SUMF2: variants seen among roughly 807,000 people sequenced by gnomAD.
The protein encoded by SUMF2 is sulfatase modifying factor 2.
In SUMF2, 45 loss-of-function variants were observed where a neutral mutation model predicts 44.8. That is an observed-to-expected ratio of 1.00 (90% confidence interval 0.79 to 1.29). The LOEUF (loss-of-function observed/expected upper bound fraction) is 1.29. Ranked by LOEUF, SUMF2 falls within the 50% of genes most tolerant of loss-of-function variation. The probability of loss-of-function intolerance (pLI) is 0.00; values close to 1 mark genes in which losing one functional copy is unlikely to be tolerated. For synonymous variants in SUMF2, 148 were observed against 150.4 expected (o/e 0.98, Z 0.12); for missense variants, 418 against 389.9 (o/e 1.07, Z -0.61).
intron 1 of SUMF2, among the ~76,000 whole-genome samples, chr7:56,067,515 A>G (rs926610256): frequency 2.0e-5 from 3 of 152,010 alleles, no homozygotes; most frequent in Non-Finnish European, 2.9e-5. Flanking sequence ...AGATAGTGAG[A>G]TATTATCCCT....
chr7:56,071,865 A>AG (rs1795180638), intron 2 of SUMF2, among the ~76,000 whole-genome samples: 4 of 152,000 alleles, frequency 2.6e-5, no homozygotes, highest in African/African-American at 9.7e-5. Flanking sequence ...CAATCCCAGC[A>AG]CTTTGGGAGG....
At chr7:56,072,478 C>T (rs1006782774) in intron 2 of SUMF2, among the ~76,000 whole-genome samples, 8 of 148,590 alleles carry the variant, frequency 5.4e-5, no homozygotes, top group African/African-American at 2.0e-4. Flanking sequence ...TAATCTCAGC[C>T]CTTTGGGAGG....
At chr7:56,084,247 G>A (rs1198207070), downstream of SUMF2, 1 of 1,505,964 alleles carries the variant, frequency 6.6e-7, no homozygotes, top group Non-Finnish European at 8.9e-7. Context: ...CTTCCCATCT[G>A]TGGAAGTGAC....
downstream of SUMF2, among the ~76,000 whole-genome samples, chr7:56,084,871 C>G (rs1051476990): frequency 1.3e-5 from 2 of 152,166 alleles, no homozygotes; most frequent in African/African-American, 2.4e-5. Context: ...AATAGCTTCC[C>G]CCAGCAACTT....
chr7:56,074,514 G>A, intron 4 of SUMF2, 72 bp from the exon 5 acceptor site: 1 of 1,567,544 alleles, frequency 6.4e-7, no homozygotes, highest in Non-Finnish European at 8.7e-7. Flanking sequence ...CTGAACGCGG[G>A]CGCCCTAAAC....
chr7:56,082,888 GTA>G (rs1257203689), downstream of SUMF2, among the ~76,000 whole-genome samples: 1 of 151,780 alleles, frequency 6.6e-6, no homozygotes, highest in Non-Finnish European at 1.5e-5. Flanking sequence ...CGGGCGGATC[GTA>G]AGGTCAGGAG....
the SUMF2 span, chr7:56,086,870 G>A: frequency 5.6e-6 from 5 of 890,564 alleles, no homozygotes; most frequent in Non-Finnish European, 9.6e-6. Context: ...CATCCTCAGC[G>A]CAGGAGCTGG....
chr7:56,072,150 G>A (rs1019422394), intron 2 of SUMF2, among the ~76,000 whole-genome samples: 4 of 149,666 alleles, frequency 2.7e-5, no homozygotes, highest in Non-Finnish European at 4.4e-5. Flanking sequence ...TATTGGCCAA[G>A]TGTTGTGCCT....
intron 1 of SUMF2, among the ~76,000 whole-genome samples, chr7:56,067,835 A>G (rs1794904490): frequency 6.7e-6 from 1 of 149,798 alleles, no homozygotes; most frequent in Non-Finnish European, 1.5e-5. Flanking sequence ...CAGAGGTTGC[A>G]GTGAACCCAG....
intron 5 of SUMF2, among the ~76,000 whole-genome samples, chr7:56,075,042 G>A (rs1408360664): frequency 9.9e-5 from 15 of 152,062 alleles, no homozygotes; most frequent in Admixed American, 9.8e-4. Context: ...AAGCTGCGGC[G>A]AGCTATGATC....
chr7:56,079,766 C>G lies in SUMF2; in HGVS notation c.*154C>G. ...ATCCCTCTGTGGCAGGCGCCTCTCACCAGGGCAGGAGAGGACTCAGCCTCC... is the reference window on the plus strand; with the variant it reads ...ATCCCTCTGTGGCAGGCGCCTCTCAGCAGGGCAGGAGAGGACTCAGCCTCC... On this transcript the variant is annotated 3_prime_UTR_variant, in exon 9 of 9. Transcript: ENST00000434526. 6.4e-7 allele frequency: 1 copy of G among 1,560,098 alleles called. No homozygotes were observed. Among genetic ancestry groups the G allele is most frequent in the South Asian group, 1.2e-5 (1 of 85,746 alleles).
chr7:56,075,366 C>T (rs920017702), intron 5 of SUMF2, among the ~76,000 whole-genome samples: 1 of 152,032 alleles, frequency 6.6e-6, no homozygotes, highest in African/African-American at 2.4e-5. Context: ...CAAGACTACA[C>T]ACTTCTGCCT....
At chr7:56,068,314 T>C (rs1437786066) in intron 1 of SUMF2, among the ~76,000 whole-genome samples, 168 bp from the exon 2 acceptor site, 1 of 151,992 alleles carries the variant, frequency 6.6e-6, no homozygotes, top group East Asian at 1.9e-4. Context: ...GGATTACAGG[T>C]GTGAGCCACC....
chr7:56,076,769 G>A, intron 5 of SUMF2, 65 bp from the exon 6 acceptor site: 2 of 1,442,222 alleles, frequency 1.4e-6, no homozygotes, highest in South Asian at 2.5e-5. Context: ...CTCTTTCTGT[G>A]TTCTTTTTTC....
downstream of SUMF2, chr7:56,083,725 CAG>C (rs757644709): frequency 3.8e-6 from 6 of 1,564,432 alleles, no homozygotes; most frequent in South Asian, 1.2e-5. Flanking sequence ...CCTGTGGAAA[CAG>C]AGGGTTGATA....
the SUMF2 span, chr7:56,087,107 G>T: frequency 1.0e-6 from 1 of 971,210 alleles, no homozygotes; most frequent in Non-Finnish European, 1.7e-6. Context: ...AGGGACCGAG[G>T]CTGCTGTGGG....
At chr7:56,074,450 C>A in intron 4 of SUMF2, 136 bp from the exon 5 acceptor site, 1 of 1,222,428 alleles carries the variant, frequency 8.2e-7, no homozygotes, top group Non-Finnish European at 1.1e-6. Context: ...ACTCCGACCA[C>A]TGGTCACTCA....
At chr7:56,084,109 G>A, downstream of SUMF2, 4 of 1,121,184 alleles carry the variant, frequency 3.6e-6, no homozygotes, top group South Asian at 2.7e-5. Context: ...AGTGACCAGG[G>A]AAGCAATGGG....
Position 56,074,219 on chromosome 7 carries a change from G to A in SUMF2, c.384+1G>A, listed in dbSNP as rs778762062. 31 of 1,613,702 alleles carry A rather than the reference G, an allele frequency of 1.9e-5. No homozygotes were observed. Among genetic ancestry groups the A allele is most frequent in the Middle Eastern group, 1.6e-4 (1 of 6,064 alleles). ...AGTGGAAAAGGCATTTTGGAGGCAG[G>A]TAAGGGCTGATTCCGCTACCTCATT... is the stretch of plus-strand genomic sequence containing the variant. On this transcript the variant is annotated splice_donor_variant, in intron 4 of 8. Coordinates refer to ENST00000434526, the MANE Select transcript of SUMF2 (RefSeq NM_015411.4). LOFTEE classifies it high-confidence loss of function.
Sources: allele counts gnomAD v4.1 joint callset (sites outside exome capture counted in the v4.1 genomes callset), GRCh38; gene constraint gnomAD v4.1.1; transcripts MANE v1.5; gene names NCBI Gene and HGNC (gene_info 2026-07-23, HGNC 2026-07-21).